Variants in MAMDC2 observed in about 807,000 individuals in gnomAD.
The protein encoded by MAMDC2 is MAM domain containing 2, also known as MAM domain-containing protein 2.
In MAMDC2, 57 loss-of-function variants were observed where a neutral mutation model predicts 89.8. The ratio of observed to expected loss-of-function variants is 0.63; its 90% confidence interval spans 0.51 to 0.79. The LOEUF (loss-of-function observed/expected upper bound fraction) is 0.79, where lower values mean the gene tolerates loss of function less well. Among genes scored for constraint, MAMDC2 ranks in the 30% least tolerant of loss-of-function variants. MAMDC2 has a pLI of 0.00. For missense variants in MAMDC2, 800 were observed against 820.6 expected (o/e 0.97, Z 0.31); for synonymous variants, 313 against 293.4 (o/e 1.07, Z -0.68).
intron 6 of MAMDC2, among the ~76,000 whole-genome samples, chr9:70,128,027 T>A (rs1243502231): frequency 6.6e-6 from 1 of 152,164 alleles, no homozygotes; most frequent in Non-Finnish European, 1.5e-5. Context: ...TAAACCTCAA[T>A]ACACATCCTT....
At chr9:70,167,631 T>G (rs2032212260) in intron 9 of MAMDC2, among the ~76,000 whole-genome samples, 1 of 152,216 alleles carries the variant, frequency 6.6e-6, no homozygotes, top group Non-Finnish European at 1.5e-5. Context: ...GCAAGTACAG[T>G]GAAAATCTAA....
intron 2 of MAMDC2, among the ~76,000 whole-genome samples, chr9:70,106,429 G>A (rs1828343397): frequency 6.6e-6 from 1 of 152,216 alleles, no homozygotes; most frequent in Non-Finnish European, 1.5e-5. Flanking sequence ...CAGCCTGCTT[G>A]AAGTCCCTTC....
At chr9:70,050,627 A>G (rs1826872369) in intron 2 of MAMDC2, among the ~76,000 whole-genome samples, 1 of 152,234 alleles carries the variant, frequency 6.6e-6, no homozygotes, top group Non-Finnish European at 1.5e-5. Flanking sequence ...ACCTGATGTT[A>G]TTCTTACTAT....
At chr9:70,045,380 T>A (rs1243867326) in intron 2 of MAMDC2, among the ~76,000 whole-genome samples, 2 of 152,086 alleles carry the variant, frequency 1.3e-5, no homozygotes, top group African/African-American at 4.8e-5. Context: ...TGCCTTTATA[T>A]AGTTTTTTTT....
chr9:70,153,029 A>AT (rs1330655898), intron 9 of MAMDC2: 1 of 152,204 alleles, frequency 6.6e-6, no homozygotes, highest in African/African-American at 2.4e-5. Flanking sequence ...TCTACACCTG[A>AT]TTTTTGCTCT....
At position 70,107,169 on chromosome 9, in the gene MAMDC2, CAG is replaced by C. The variant is rs371079249; in HGVS notation, c.149-1041_149-1040del. Among the ~76,000 whole-genome samples the C allele has an allele frequency of 6.4e-4, 97 of 152,120 alleles. 3 individuals are homozygous for C. Among genetic ancestry groups the C allele is most frequent in the African/African-American group, 2.3e-3 (94 of 41,504 alleles). ...GGCCCAGGAGGTCCCCAAAGACCCA[CAG>C]GCAATTGGATCATTGACATAGGAAA... On this transcript the variant is annotated intron_variant, in intron 2 of 13. Transcript: ENST00000377182.
chr9:70,050,729 C>T (rs1431341940), intron 2 of MAMDC2, among the ~76,000 whole-genome samples: 1 of 152,076 alleles, frequency 6.6e-6, no homozygotes, highest in Non-Finnish European at 1.5e-5. Flanking sequence ...CTTTTGGGGA[C>T]CTAAGGAGAG....
chr9:70,217,123 T>C, intron 11 of MAMDC2: 1 of 555,628 alleles, frequency 1.8e-6, no homozygotes, highest in Non-Finnish European at 3.2e-6. Context: ...AAAAGGAAAT[T>C]GGAAAGGCAA....
intron 2 of MAMDC2, chr9:70,087,671 T>C (rs1827801399): frequency 6.6e-6 from 1 of 152,074 alleles, no homozygotes; most frequent in Admixed American, 6.6e-5. Context: ...CCCATTCAAA[T>C]CATTTGGACT....
intron 11 of MAMDC2, among the ~76,000 whole-genome samples, chr9:70,188,939 A>G (rs1306515046): frequency 6.6e-6 from 1 of 152,004 alleles, no homozygotes; most frequent in Admixed American, 6.6e-5. Flanking sequence ...AATCTAGTTC[A>G]TATTAACTTA....
intron 11 of MAMDC2, among the ~76,000 whole-genome samples, chr9:70,186,902 A>G (rs2032767847): frequency 3.3e-5 from 5 of 152,040 alleles, no homozygotes; most frequent in Admixed American, 2.6e-4. Context: ...TAGAGCAAAA[A>G]CTCACTAATC....
intron 12 of MAMDC2, among the ~76,000 whole-genome samples, chr9:70,220,236 T>C (rs976407178): frequency 5.9e-5 from 9 of 152,210 alleles, no homozygotes; most frequent in Non-Finnish European, 1.3e-4. Flanking sequence ...ATCAGACACA[T>C]GGCCTTGCAT....
intron 11 of MAMDC2, 65 bp from the exon 12 acceptor site, chr9:70,218,271 AT>A: frequency 2.0e-6 from 3 of 1,525,766 alleles, no homozygotes; most frequent in Non-Finnish European, 2.7e-6. Context: ...CTGAAAGAAC[AT>A]TATGAAAGGA....
chr9:70,044,006 C>T lies in MAMDC2; in HGVS notation c.-192C>T. On this transcript the variant is annotated 5_prime_UTR_variant, in exon 1 of 14. Coordinates refer to ENST00000377182, the MANE Select transcript of MAMDC2 (RefSeq NM_153267.5). Reference sequence around the variant, plus strand: ...CTGGCGCTCTCCATTCGAGCACCTTCCAGCATACCGCTCGGCTCCGGGAGC... The same window carrying T: ...CTGGCGCTCTCCATTCGAGCACCTTTCAGCATACCGCTCGGCTCCGGGAGC... The T allele has an allele frequency of 1.5e-6, 1 of 651,604 alleles. No homozygotes were observed. Among genetic ancestry groups the T allele is most frequent in the East Asian group, 2.7e-5 (1 of 36,748 alleles). The allele number at this position is 651,604 out of a possible 1,614,324, so 40.4% of individuals were successfully genotyped here. A position where few individuals can be genotyped will look rare whatever the true frequency, so the allele number is the denominator to read the frequency against.
At chr9:70,108,521 C>G (rs1179952954) in intron 3 of MAMDC2, 39 bp downstream of exon 3, 1 of 1,517,636 alleles carries the variant, frequency 6.6e-7, no homozygotes. Flanking sequence ...GGCCTATTAT[C>G]TTTGCTTTAT....
At chr9:70,096,426 T>C (rs1014190414) in intron 2 of MAMDC2, among the ~76,000 whole-genome samples, 1 of 152,146 alleles carries the variant, frequency 6.6e-6, no homozygotes, top group Non-Finnish European at 1.5e-5. Flanking sequence ...GTCCATCGCA[T>C]GCACACTTCA....
chr9:70,160,020 T>C (rs1486405199), intron 9 of MAMDC2, among the ~76,000 whole-genome samples: 1 of 152,102 alleles, frequency 6.6e-6, no homozygotes, highest in Non-Finnish European at 1.5e-5. Flanking sequence ...AAGACCAGCC[T>C]GGCCAACATG....
At chr9:70,108,956 G>A (rs1248271977) in intron 3 of MAMDC2, among the ~76,000 whole-genome samples, 1 of 152,186 alleles carries the variant, frequency 6.6e-6, no homozygotes, top group African/African-American at 2.4e-5. Context: ...CCTTTTCAAA[G>A]AGGGAAGTTG....
At chr9:70,061,283 A>G (rs1423698509) in intron 2 of MAMDC2, among the ~76,000 whole-genome samples, 1 of 152,204 alleles carries the variant, frequency 6.6e-6, no homozygotes, top group Admixed American at 6.5e-5. Flanking sequence ...ATGAGGAAGC[A>G]GAAGTTTCTG....
Sources: allele counts gnomAD v4.1 joint callset (sites outside exome capture counted in the v4.1 genomes callset), GRCh38; gene constraint gnomAD v4.1.1; transcripts MANE v1.5; gene names NCBI Gene and HGNC (gene_info 2026-07-23, HGNC 2026-07-21).